PYGB: variants seen among roughly 807,000 people sequenced by gnomAD.
PYGB encodes the protein glycogen phosphorylase, brain form.
In PYGB, 82 loss-of-function variants were observed where a neutral mutation model predicts 94.3. The ratio of observed to expected loss-of-function variants is 0.87; its 90% CI spans 0.73 to 1.04. The LOEUF is 1.04. Among genes scored for constraint, PYGB ranks in the 50% least tolerant of loss-of-function variants. The pLI, the probability that PYGB is intolerant of heterozygous loss-of-function variation, is 0.00. For missense variants in PYGB, 1,132 were observed against 1,158.2 expected (o/e 0.98, Z 0.33); for synonymous variants, 488 against 479.1 (o/e 1.02, Z -0.24).
rs116595887 is a variant in PYGB at position 25,296,497 on chromosome 20, C to T, written c.2507C>T (p.Pro836Leu). 2.0e-4 allele frequency: 330 copies of T among 1,613,602 alleles called. No individual in the cohort carries two copies. The African/African-American group carries it at 3.6e-3, about 18-fold the overall frequency. ...GTGGAGCCCTCCGACCTGCAGATCC[C>T]GCCCCCCAACATCCCCCGGGACTAG... Reference protein sequence around the residue: ...WGVEPSDLQIPPPNIPRD With the variant: ...WGVEPSDLQILPPNIPRD Residue 836 changes from proline (P) to leucine (L), a missense_variant, in exon 20 of 20, where the codon CCG becomes CTG. Coordinates refer to ENST00000216962, the MANE Select transcript of PYGB (RefSeq NM_002862.4).
intron 2 of PYGB, among the ~76,000 whole-genome samples, chr20:25,267,534 A>ATTG: frequency 6.6e-6 from 1 of 150,858 alleles, no homozygotes; most frequent in Admixed American, 6.6e-5. Context: ...TTTTTGTGTC[A>ATTG]TTGTTGTTGT....
At chr20:25,277,144 T>C (rs755579447) in intron 6 of PYGB, 100 bp from the exon 7 acceptor site, 105 of 906,044 alleles carry the variant, frequency 1.2e-4, no homozygotes, top group Non-Finnish European at 1.6e-4. Flanking sequence ...AGTCCTGTGC[T>C]CGAGCGAGTT....
intron 14 of PYGB, chr20:25,285,482 A>G (rs1391277684): frequency 6.6e-6 from 1 of 151,294 alleles, no homozygotes; most frequent in Non-Finnish European, 1.5e-5. Flanking sequence ...CCCAGTCGTC[A>G]GTTGTTGCAT....
intron 1 of PYGB, among the ~76,000 whole-genome samples, chr20:25,250,762 GCTC>G (rs1221859460): frequency 6.6e-6 from 1 of 152,092 alleles, no homozygotes; most frequent in Non-Finnish European, 1.5e-5. Context: ...ACACTCTAGA[GCTC>G]CTAAATAGAA....
chr20:25,259,174 T>A, intron 1 of PYGB, 63 bp from the exon 2 acceptor site: 6 of 1,403,128 alleles, frequency 4.3e-6, no homozygotes, highest in Non-Finnish European at 6.0e-6. Flanking sequence ...TCGTGTCATC[T>A]CTGTAACCTT....
At chr20:25,271,044 G>A (rs1419888710) in intron 3 of PYGB, among the ~76,000 whole-genome samples, 3 of 152,192 alleles carry the variant, frequency 2.0e-5, no homozygotes, top group South Asian at 2.1e-4. Flanking sequence ...TCAGTGGAAC[G>A]TGCAAGGGAT....
intron 11 of PYGB, among the ~76,000 whole-genome samples, chr20:25,281,574 A>T (rs2088367453): frequency 6.6e-6 from 1 of 152,182 alleles, no homozygotes; most frequent in Admixed American, 6.5e-5. Flanking sequence ...GTGAGTACTG[A>T]GCAGGCAGCA....
Position 25,295,254 on chromosome 20 carries a change from C to A in PYGB, c.2313-350C>A, listed in dbSNP as rs2257420. ...CCAGCAAGTGCCCCCTGCCCTGAGGCGGCGCCATGGGCTCTCCACTGTCTG... is the reference window on the plus strand; with the variant it reads ...CCAGCAAGTGCCCCCTGCCCTGAGGAGGCGCCATGGGCTCTCCACTGTCTG... On this transcript the variant is annotated intron_variant, in intron 18 of 19. Transcript: ENST00000216962. 0.45 allele frequency among the ~76,000 whole-genome samples: 68,452 copies of A among 152,212 alleles called. 16,015 individuals are homozygous for A. Among genetic ancestry groups the A allele is most frequent in the East Asian group, 0.92 (4,758 of 5,184 alleles).
rs1402015407 is a variant in PYGB, at chr20:25,297,873, C to A, written c.*1351C>A. On this transcript the variant is annotated 3_prime_UTR_variant, in exon 20 of 20. Coordinates refer to ENST00000216962, the MANE Select transcript of PYGB (RefSeq NM_002862.4). ...GTGGTCGTGCCCTGACAGCATCTTC[C>A]CCAGGCAGCGGCTCTGTGGAGGAGG... The A allele has an allele frequency of 6.6e-6, 1 of 152,298 alleles. No individual in the cohort carries two copies. The highest frequency in any genetic ancestry group is 1.5e-5 in the Non-Finnish European group (1 of 68,126). 9.4% of individuals were successfully genotyped at this position (152,298 alleles called of 1,614,324 possible).
intron 14 of PYGB, 119 bp downstream of exon 14, chr20:25,284,370 T>C (rs1255270125): frequency 1.5e-6 from 2 of 1,333,550 alleles, no homozygotes; most frequent in African/African-American, 3.0e-5. Flanking sequence ...TATAGGCGTG[T>C]GCATGTGTGA....
intron 4 of PYGB, among the ~76,000 whole-genome samples, chr20:25,272,484 C>T (rs1158125492): frequency 2.6e-5 from 4 of 152,220 alleles, no homozygotes; most frequent in African/African-American, 4.8e-5. Context: ...GGAATGTGGA[C>T]TCATATCTGC....
intron 7 of PYGB, 39 bp from the exon 8 acceptor site, chr20:25,278,280 G>GCTCTGGGACTGGGTCATGGGGCATGTGCC: frequency 1.3e-6 from 2 of 1,566,738 alleles, no homozygotes; most frequent in South Asian, 2.3e-5. Flanking sequence ...GAGGAGAATG[G>GCTCTGGGACTGGGTCATGGGGCATGTGCC]CCCAGCCTGC....
chr20:25,262,738 A>G (rs1429052315), intron 2 of PYGB, among the ~76,000 whole-genome samples: 1 of 151,888 alleles, frequency 6.6e-6, no homozygotes, highest in Non-Finnish European at 1.5e-5. Context: ...ATGCGGAGAC[A>G]CACATAGGCT....
rs989450019 is a variant in PYGB, at chr20:25,282,157, G to A, written c.1518+10G>A. 12 of 1,598,574 alleles carry A rather than the reference G, an allele frequency of 7.5e-6. No individual in the cohort carries two copies. The highest frequency in any genetic ancestry group is 2.7e-5 in the African/African-American group (2 of 74,602). The stretch of plus-strand genomic sequence containing the variant: ...CGATACCATCGTGGAGGTGAGTCCC[G>A]GGCCCCACCCGTGCCTGTGGAGATG... On this transcript the variant is annotated intron_variant, in intron 12 of 19. Transcript: ENST00000216962.
chr20:25,295,565 C>T (rs199652263), intron 18 of PYGB, 39 bp from the exon 19 acceptor site: 141 of 1,584,678 alleles, frequency 8.9e-5, no homozygotes, highest in Admixed American at 3.3e-4. Context: ...GGGCAGGGCT[C>T]CCTGCTGCCC....
intron 1 of PYGB, among the ~76,000 whole-genome samples, chr20:25,256,342 A>G (rs1390366545): frequency 6.6e-6 from 1 of 151,364 alleles, no homozygotes; most frequent in South Asian, 2.1e-4. Flanking sequence ...ATGTTTTTCT[A>G]TTATTTGCCT....
chr20:25,273,721 C>T (rs915265191), intron 4 of PYGB, among the ~76,000 whole-genome samples: 1 of 151,908 alleles, frequency 6.6e-6, no homozygotes, highest in Non-Finnish European at 1.5e-5. Flanking sequence ...GAATAAGCTT[C>T]TTCTTGGAAG....
intron 1 of PYGB, among the ~76,000 whole-genome samples, chr20:25,255,350 AC>A (rs748913782): frequency 6.6e-6 from 1 of 152,184 alleles, no homozygotes; most frequent in Non-Finnish European, 1.5e-5. Context: ...TGCTCAGCTC[AC>A]CAGCAGGAGC....
chr20:25,264,937 A>G lies in PYGB; in HGVS notation c.346-4192A>G, dbSNP rs544512106. Among the ~76,000 whole-genome samples, 11 of 152,344 alleles carry G rather than the reference A, an allele frequency of 7.2e-5. No individual in the cohort carries two copies. The South Asian group carries it at 1.0e-3, about 14-fold the overall frequency. On this transcript the variant is annotated intron_variant, in intron 2 of 19. Coordinates refer to ENST00000216962, the MANE Select transcript of PYGB (RefSeq NM_002862.4). ...ACTGGAAAAAACTACTTTAAAGTTC[A>G]TATGGAACCAAAAAAGAGCCCGCAT...
Sources: gnomAD v4.1 joint callset for allele counts (sites outside exome capture counted in the v4.1 genomes callset) on GRCh38, gnomAD v4.1.1 for gene constraint, MANE v1.5 for transcripts, NCBI Gene and HGNC (gene_info 2026-07-23, HGNC 2026-07-21) for gene names.